TRIM42: variants seen among roughly 807,000 people sequenced by gnomAD.
TRIM42 encodes the protein tripartite motif containing 42.
TRIM42 carries 59 observed loss-of-function variants against 64.9 expected under a neutral mutation model. The observed-to-expected ratio is 0.91, with a 90% CI of 0.74 to 1.13. The LOEUF is 1.13. Among genes scored for constraint, TRIM42 ranks in the 50% most tolerant of loss-of-function variants. TRIM42 has a pLI of 0.00. For missense variants in TRIM42, 878 were observed against 929.5 expected (o/e 0.94, Z 0.72); for synonymous variants, 354 against 346.3 (o/e 1.02, Z -0.25).
At position 140,688,150 on chromosome 3, in the gene TRIM42, T is replaced by A. The variant is rs759631693; in HGVS notation, c.1468T>A (p.Phe490Ile). Residue 490 changes from phenylalanine to isoleucine, a missense_variant, in exon 3 of 5, where the codon TTC becomes ATC. Coordinates refer to ENST00000286349, the MANE Select transcript of TRIM42 (RefSeq NM_152616.5). ...VELSSAIHELFPTGPKKVRSS... is the reference protein window; with the variant it reads ...VELSSAIHELIPTGPKKVRSS... ...GCTTTCCAGTGCCATCCATGAGCTC[T>A]TCCCCACAGGGCCCAAGAAGGTACG... 6.2e-7 allele frequency: 1 copy of A among 1,613,808 alleles called. No individual in the cohort carries two copies. Among genetic ancestry groups the A allele is most frequent in the Non-Finnish European group, 8.5e-7 (1 of 1,179,680 alleles).
At chr3:140,680,774 G>C (rs978816484) in intron 1 of TRIM42, 137 of 902,518 alleles carry the variant, frequency 1.5e-4, no homozygotes, top group Non-Finnish European at 1.7e-4. Context: ...AATTTTCCAG[G>C]TGCCTTAATA....
At chr3:140,692,539 A>AC (rs1988745981) in intron 4 of TRIM42, among the ~76,000 whole-genome samples, 1 of 126,080 alleles carries the variant, frequency 7.9e-6, no homozygotes, top group South Asian at 3.0e-4. Flanking sequence ...ATACACACAC[A>AC]CACACACACA....
intron 2 of TRIM42, among the ~76,000 whole-genome samples, chr3:140,684,843 G>A (rs1045981568): frequency 6.6e-6 from 1 of 152,142 alleles, no homozygotes; most frequent in African/African-American, 2.4e-5. Context: ...CATGGTGAAG[G>A]CACTGCCGCC....
Position 140,678,170 on chromosome 3 carries a change from G to A in TRIM42, c.-60G>A. On this transcript the variant is annotated 5_prime_UTR_variant, in exon 1 of 5. Transcript: ENST00000286349. ...CTCCTCCACTGGAGAACTGATAGCA[G>A]TATTCTGGTAGAGGAGGCATCAAGA... is the stretch of plus-strand genomic sequence containing the variant. 2 of 1,442,050 alleles carry A rather than the reference G, an allele frequency of 1.4e-6. No individual in the cohort carries two copies. The highest frequency in any genetic ancestry group is 2.8e-5 in the African/African-American group (2 of 71,782). 89.3% of individuals were successfully genotyped at this position (1,442,050 alleles called of 1,614,324 possible). A position where few individuals can be genotyped will look rare whatever the true frequency, so the allele number is the denominator to read the frequency against.
intron 1 of TRIM42, among the ~76,000 whole-genome samples, chr3:140,679,036 T>C (rs1988287679): frequency 7.0e-6 from 1 of 143,014 alleles, no homozygotes; most frequent in Non-Finnish European, 1.6e-5. Context: ...AAATGCTGTA[T>C]TGCAAAACGG....
intron 4 of TRIM42, among the ~76,000 whole-genome samples, chr3:140,693,616 A>T (rs145143176): frequency 4.6e-5 from 7 of 152,180 alleles, no homozygotes; most frequent in African/African-American, 1.7e-4. Context: ...TAAAATCAAA[A>T]TTTTTTCCTT....
At position 140,682,790 on chromosome 3, in the gene TRIM42, T is replaced by C. The variant is rs1344106458; in HGVS notation, c.670T>C (p.Tyr224His). ...LTKRYMQEHGYLKWRFDRSSG... is the reference protein window; with the variant it reads ...LTKRYMQEHGHLKWRFDRSSG... ...CAAGCGCTACATGCAGGAGCACGGC[T>C]ACCTCAAGTGGCGCTTTGACCGCTC... The change falls in exon 2 of 5, where the codon TAC (tyrosine) becomes CAC (histidine). Residue 224 changes from tyrosine to histidine, a missense_variant. Coordinates refer to ENST00000286349, the MANE Select transcript of TRIM42 (RefSeq NM_152616.5). 7 of 1,613,788 alleles carry C rather than the reference T, an allele frequency of 4.3e-6. No homozygotes were observed. Among genetic ancestry groups the C allele is most frequent in the East Asian group, 2.2e-5 (1 of 44,888 alleles).
In TRIM42 at chr3:140,701,094, T is replaced by C. The variant is rs960333053; in HGVS notation, c.*120T>C. On this transcript the variant is annotated 3_prime_UTR_variant, in exon 5 of 5. Transcript: ENST00000286349. ...AGGAGGTTGTAGACAAATGTTTCCA[T>C]GACCTCTCAGCTTTCCAACAGGAAT... 1 of 805,784 alleles carries C rather than the reference T, an allele frequency of 1.2e-6. No individual in the cohort carries two copies. The highest frequency in any genetic ancestry group is 3.0e-5 in the Admixed American group (1 of 33,636). 49.9% of individuals were successfully genotyped at this position (805,784 alleles called of 1,614,324 possible).
intron 1 of TRIM42, among the ~76,000 whole-genome samples, chr3:140,680,494 C>A (rs1249387744): frequency 6.6e-6 from 1 of 152,102 alleles, no homozygotes; most frequent in African/African-American, 2.4e-5. Flanking sequence ...CTTCTTCTTT[C>A]TTTTTTGTGA....
At chr3:140,690,802 A>T (rs771249203) in intron 3 of TRIM42, among the ~76,000 whole-genome samples, 166 bp from the exon 4 acceptor site, 9 of 151,952 alleles carry the variant, frequency 5.9e-5, no homozygotes, top group Non-Finnish European at 1.2e-4. Context: ...CTCATCACAC[A>T]GTCTTCCAAG....
intron 1 of TRIM42, 56 bp downstream of exon 1, chr3:140,678,626 C>T (rs1988273845): frequency 1.4e-6 from 2 of 1,464,822 alleles, no homozygotes; most frequent in Non-Finnish European, 1.9e-6. Flanking sequence ...CTAGGGACCA[C>T]TTGCCAGCTG....
At chr3:140,697,401 A>T (rs1430659122) in intron 4 of TRIM42, among the ~76,000 whole-genome samples, 2 of 152,194 alleles carry the variant, frequency 1.3e-5, no homozygotes, top group African/African-American at 2.4e-5. Context: ...AGTTTTATTT[A>T]AAAAGTCTTT....
rs767930285 is a variant in TRIM42, at chr3:140,687,956, G to T, written c.1274G>T (p.Gly425Val). 6.2e-7 allele frequency: 1 copy of T among 1,614,176 alleles called. No individual in the cohort carries two copies. Among genetic ancestry groups the T allele is most frequent in the Non-Finnish European group, 8.5e-7 (1 of 1,180,028 alleles). ...VTTMKVNEMD[G>V]LIAYSKEALK... ...ACCATGAAAGTGAACGAGATGGATG[G>T]TCTGATCGCCTACTCCAAGGAAGCC... Residue 425 changes from glycine (G) to valine (V), a missense_variant, in exon 3 of 5, where the codon GGT becomes GTT. Physicochemically the swap from Gly to Val is moderately radical, Grantham distance 109. Coordinates refer to ENST00000286349, the MANE Select transcript of TRIM42 (RefSeq NM_152616.5).
chr3:140,682,756 G>A lies in TRIM42; in HGVS notation c.636G>A (p.Gly212=), dbSNP rs1167337598. 3 of 1,613,120 alleles carry A rather than the reference G, an allele frequency of 1.9e-6. No homozygotes were observed. The highest frequency in any genetic ancestry group is 2.5e-6 in the Non-Finnish European group (3 of 1,180,028). ...KMQLPENYLH[G]RLTKRYMQEH... Reference sequence around the variant, plus strand: ...AGCTGCCCGAGAACTACCTGCACGGGCGTCTCACCAAGCGCTACATGCAGG... The same window carrying A: ...AGCTGCCCGAGAACTACCTGCACGGACGTCTCACCAAGCGCTACATGCAGG... Residue 212 remains glycine (G), a synonymous_variant, in exon 2 of 5, where the codon GGG becomes GGA. Coordinates refer to ENST00000286349, the MANE Select transcript of TRIM42 (RefSeq NM_152616.5).
chr3:140,699,234 C>T (rs1032481197), intron 4 of TRIM42, among the ~76,000 whole-genome samples: 2 of 152,056 alleles, frequency 1.3e-5, no homozygotes, highest in African/African-American at 4.8e-5. Flanking sequence ...TCAGTTAGCT[C>T]GTATTTTATT....
At chr3:140,695,474 T>C (rs1988823924) in intron 4 of TRIM42, among the ~76,000 whole-genome samples, 1 of 152,092 alleles carries the variant, frequency 6.6e-6, no homozygotes, top group African/African-American at 2.4e-5. Flanking sequence ...TCTTTCCCTG[T>C]TAGCTCTTCA....
chr3:140,698,143 G>A (rs899937085), intron 4 of TRIM42, among the ~76,000 whole-genome samples: 3 of 152,052 alleles, frequency 2.0e-5, no homozygotes, highest in East Asian at 1.9e-4. Flanking sequence ...GAACTGCTAC[G>A]GTAAGTATGC....
intron 4 of TRIM42, among the ~76,000 whole-genome samples, chr3:140,699,742 C>T (rs190356757): frequency 1.3e-5 from 2 of 152,288 alleles, no homozygotes; most frequent in African/African-American, 2.4e-5. Context: ...CTACTTTTAT[C>T]AGGGTTATCT....
At chr3:140,680,690 G>A in intron 1 of TRIM42, 2 of 985,348 alleles carry the variant, frequency 2.0e-6, no homozygotes, top group Non-Finnish European at 2.4e-6. Context: ...GCAGGAATCT[G>A]GGAAAGCAGA....
Sources: allele counts gnomAD v4.1 joint callset (sites outside exome capture counted in the v4.1 genomes callset), GRCh38; gene constraint gnomAD v4.1.1; transcripts MANE v1.5; gene names NCBI Gene and HGNC (gene_info 2026-07-23, HGNC 2026-07-21).